The following DCLK2 variants were observed in gnomAD, a reference collection of about 807,000 sequenced individuals.
The protein encoded by DCLK2 is doublecortin like kinase 2.
A neutral mutation model predicts 78.4 loss-of-function variants in DCLK2; 31 were observed. That is an observed-to-expected ratio of 0.40 (90% CI 0.30 to 0.53). DCLK2 has a LOEUF of 0.53. DCLK2 is among the 20% of genes least tolerant of loss of function. The pLI is 0.61. For missense variants in DCLK2, 872 were observed against 973.7 expected (o/e 0.90, Z 1.39); for synonymous variants, 407 against 374.9 (o/e 1.09, Z -0.99).
intron 2 of DCLK2, among the ~76,000 whole-genome samples, chr4:150,117,899 G>A (rs1732219036): frequency 6.6e-6 from 1 of 152,174 alleles, no homozygotes; most frequent in Non-Finnish European, 1.5e-5. Flanking sequence ...TCACGTGGTA[G>A]AGGCATGCAA....
At chr4:150,131,334 T>A (rs1412113207) in intron 2 of DCLK2, among the ~76,000 whole-genome samples, 1 of 152,186 alleles carries the variant, frequency 6.6e-6, no homozygotes, top group African/African-American at 2.4e-5. Flanking sequence ...CTAATAGAAA[T>A]GTTTTTGTTG....
intron 15 of DCLK2, among the ~76,000 whole-genome samples, chr4:150,255,611 C>T (rs901343326): frequency 1.3e-5 from 2 of 152,230 alleles, no homozygotes; most frequent in African/African-American, 2.4e-5. Context: ...ATGCGGGTAA[C>T]TTTTCAATCT....
intron 1 of DCLK2, among the ~76,000 whole-genome samples, chr4:150,082,077 T>C (rs961207579): frequency 6.6e-6 from 1 of 152,068 alleles, no homozygotes; most frequent in Non-Finnish European, 1.5e-5. Flanking sequence ...ATGTAAGTAG[T>C]TTCAACTTTT....
intron 2 of DCLK2, among the ~76,000 whole-genome samples, chr4:150,122,296 C>T (rs1732606139): frequency 6.6e-6 from 1 of 152,182 alleles, no homozygotes; most frequent in Non-Finnish European, 1.5e-5. Context: ...ACTATAAAGA[C>T]ACGTGCACAC....
rs1047224575 is a variant in DCLK2, at chr4:150,198,899, C to A, written c.961+796C>A. ...TCAGACATTCCACTATTCGCCCTTT[C>A]CCCTTTCAGCACCCCCCCCCCCACT... is the stretch of plus-strand genomic sequence containing the variant. On this transcript the variant is annotated intron_variant, in intron 4 of 15. Transcript: ENST00000296550. 1.8e-5 allele frequency: 11 copies of A among 598,042 alleles called. No individual in the cohort carries two copies. In the African/African-American group the frequency reaches 2.3e-4, roughly 12 times the overall value. The allele number at this position is 598,042 out of a possible 1,614,324, so 37.0% of individuals were successfully genotyped here. A position where few individuals can be genotyped will look rare whatever the true frequency, so the allele number is the denominator to read the frequency against.
chr4:150,079,176 A>C lies in DCLK2; in HGVS notation c.149A>C (p.His50Pro), dbSNP rs1260645007. The C allele has an allele frequency of 6.2e-7, 1 of 1,610,216 alleles. No individual in the cohort carries two copies. The highest frequency in any genetic ancestry group is 1.1e-5 in the South Asian group (1 of 90,446). The part of the protein sequence containing the change: ...KGNGLIPSPA[H>P]SAHCSFYRTR... ...AACGGGCTCATCCCCAGTCCGGCGC[A>C]CAGTGCCCACTGCAGCTTCTACCGC... The change falls in exon 1 of 16, where the codon CAC becomes CCC. Residue 50 changes from histidine (H) to proline (P), a missense_variant. By Grantham distance (77) the His-to-Pro change is moderately conservative. Around this residue, in one of 3 missense-constraint regions of DCLK2, gnomAD observed 567 missense variants for 593.4 expected, o/e 0.96. Coordinates refer to ENST00000296550, the MANE Select transcript of DCLK2 (RefSeq NM_001040260.4).
chr4:150,223,549 G>A (rs1741356697), intron 7 of DCLK2, among the ~76,000 whole-genome samples: 1 of 152,124 alleles, frequency 6.6e-6, no homozygotes, highest in Non-Finnish European at 1.5e-5. Context: ...TTCAAGACCA[G>A]CCTGGCCAAC....
chr4:150,198,568 G>A (rs190087015), intron 4 of DCLK2, among the ~76,000 whole-genome samples: 1 of 152,144 alleles, frequency 6.6e-6, no homozygotes, highest in East Asian at 1.9e-4. Flanking sequence ...GATTATTGTT[G>A]AAAAGTAGTA....
chr4:150,220,649 T>C, intron 5 of DCLK2, 54 bp from the exon 6 acceptor site: 1 of 1,450,240 alleles, frequency 6.9e-7, no homozygotes, highest in Non-Finnish European at 9.6e-7. Flanking sequence ...ACGGATTAGT[T>C]AGCTAGGGAT....
In DCLK2 at chr4:150,175,011, A is replaced by AAAAAATAT. The variant is rs1454035697; in HGVS notation, c.757-18126_757-18125insAAAATATA. On this transcript the variant is annotated intron_variant, in intron 2 of 15. Coordinates refer to ENST00000296550, the MANE Select transcript of DCLK2 (RefSeq NM_001040260.4). ...AGACTCCGTCGCAAAAAAAAAAAAAAATATATATATATATATATATATTTA... is the reference window on the plus strand; with the variant it reads ...AGACTCCGTCGCAAAAAAAAAAAAAAAAAAATATATATATATATATATATATATATTTA... 2.6e-3 allele frequency among the ~76,000 whole-genome samples: 26 copies of AAAAAATAT among 9,976 alleles called. 5 individuals carry two copies. The highest frequency in any genetic ancestry group is 5.3e-3 in the South Asian group (2 of 380). The allele number at this position is 9,976 out of a possible 152,430, so 6.5% of individuals were successfully genotyped here.
chr4:150,209,709 T>C (rs1740145064), intron 5 of DCLK2: 1 of 152,214 alleles, frequency 6.6e-6, no homozygotes, highest in African/African-American at 2.4e-5. Context: ...GCACGTGAAA[T>C]GTAACAGCCC....
rs1434962041 is a variant in DCLK2 at position 150,256,805 on chromosome 4, A to G, written c.*558A>G. 1 of 152,402 alleles carries G rather than the reference A, an allele frequency of 6.6e-6. No homozygotes were observed. The highest frequency in any genetic ancestry group is 6.5e-5 in the Admixed American group (1 of 15,288). 9.4% of individuals were successfully genotyped at this position (152,402 alleles called of 1,614,324 possible). A position where few individuals can be genotyped will look rare whatever the true frequency, so the allele number is the denominator to read the frequency against. On this transcript the variant is annotated 3_prime_UTR_variant, in exon 16 of 16. Transcript: ENST00000296550. ...CTAATAGAAGAAGTGAGCGCCTGAG[A>G]GGACAATTTGGTCATTGGACACGGA...
intron 2 of DCLK2, among the ~76,000 whole-genome samples, chr4:150,129,611 T>C (rs971156177): frequency 1.3e-5 from 2 of 151,788 alleles, no homozygotes; most frequent in African/African-American, 2.4e-5. Flanking sequence ...TCCCAGCTAC[T>C]TGGGAGGCTG....
intron 7 of DCLK2, among the ~76,000 whole-genome samples, chr4:150,222,733 G>A (rs887868975): frequency 1.3e-5 from 2 of 151,968 alleles, no homozygotes; most frequent in Non-Finnish European, 2.9e-5. Flanking sequence ...AGGTTGGGTG[G>A]CACACGCCTG....
chr4:150,145,925 A>C (rs997084992), intron 2 of DCLK2, among the ~76,000 whole-genome samples: 2 of 152,262 alleles, frequency 1.3e-5, no homozygotes, highest in African/African-American at 4.8e-5. Context: ...AAAAACACAG[A>C]AACTATCAGT....
intron 2 of DCLK2, among the ~76,000 whole-genome samples, chr4:150,148,423 G>A (rs1395311194): frequency 6.7e-6 from 1 of 149,854 alleles, no homozygotes; most frequent in East Asian, 2.0e-4. Context: ...GTCTTGCTGT[G>A]TTGCCCAGGC....
At chr4:150,221,528 T>G in intron 6 of DCLK2, 149 bp from the exon 7 acceptor site, 1 of 510,214 alleles carries the variant, frequency 2.0e-6, no homozygotes, top group Non-Finnish European at 3.4e-6. Flanking sequence ...GATTCAGGTG[T>G]TCTATTCAGG....
intron 1 of DCLK2, among the ~76,000 whole-genome samples, chr4:150,100,595 G>A (rs981192981): frequency 6.6e-5 from 10 of 151,832 alleles, no homozygotes; most frequent in South Asian, 2.1e-4. Context: ...ATTTTGAATC[G>A]AAAATAGAAT....
At chr4:150,191,545 T>TA (rs1041287504) in intron 2 of DCLK2, among the ~76,000 whole-genome samples, 7 of 152,132 alleles carry the variant, frequency 4.6e-5, no homozygotes, top group Admixed American at 4.6e-4. Flanking sequence ...CCCTGAATTC[T>TA]AGCATGAGTG....
Sources: allele counts gnomAD v4.1 joint callset (sites outside exome capture counted in the v4.1 genomes callset), GRCh38; gene constraint gnomAD v4.1.1; regional missense constraint gnomAD v4.1.1; transcripts MANE v1.5; gene names NCBI Gene and HGNC (gene_info 2026-07-23, HGNC 2026-07-21).